The following EP300 variants were observed in gnomAD, a reference collection of about 807,000 sequenced individuals.
The protein encoded by EP300 is histone acetyltransferase p300.
Under a neutral mutation model 264.0 loss-of-function variants are expected in EP300, and 31 were observed. That is an observed-to-expected ratio of 0.12 (90% CI 0.09 to 0.16). The LOEUF is 0.16. Ranked by LOEUF, EP300 falls within the 10% of genes least tolerant of loss-of-function variation. The probability of loss-of-function intolerance (pLI) is 1.00; values close to 1 mark genes in which losing one functional copy is unlikely to be tolerated. For synonymous variants in EP300, 1,340 were observed against 1,045.4 expected, an observed-to-expected ratio of 1.28 and a Z score of -5.44; for missense variants, 2,766 against 3,052.9, an observed-to-expected ratio of 0.91 and a Z score of 2.21.
rs370403975 is a variant in EP300, at chr22:41,154,484, C to T, written c.3143-511C>T. On this transcript the variant is annotated intron_variant, in intron 16 of 30. Coordinates refer to ENST00000263253, the MANE Select transcript of EP300 (RefSeq NM_001429.4). ...GCAACATCTGCCTCCCGAGTTCAAG[C>T]AGTTCTCTTGCCTCAAGCCTCCTGA... is the stretch of plus-strand genomic sequence containing the variant. 6.7e-4 allele frequency among the ~76,000 whole-genome samples: 98 copies of T among 146,510 alleles called. 2 individuals are homozygous for T. The South Asian group carries it at 0.012, about 18-fold the overall frequency.
chr22:41,162,613 T>A, intron 20 of EP300, 110 bp from the exon 21 acceptor site: 2 of 838,182 alleles, frequency 2.4e-6, no homozygotes, highest in Non-Finnish European at 4.0e-6. Flanking sequence ...TGTGTATTCT[T>A]AAAAAACCTG....
chr22:41,096,861 C>T (rs1055173779), intron 1 of EP300, among the ~76,000 whole-genome samples: 5 of 152,060 alleles, frequency 3.3e-5, no homozygotes, highest in African/African-American at 1.2e-4. Context: ...TCAGGTGATC[C>T]ACCCGCCTCA....
chr22:41,129,096 C>T (rs1042492058), intron 4 of EP300, among the ~76,000 whole-genome samples: 4 of 151,956 alleles, frequency 2.6e-5, no homozygotes, highest in Admixed American at 6.6e-5. Context: ...CCGCAAGCTC[C>T]GCCTCCTGGG....
intron 2 of EP300, 93 bp from the exon 3 acceptor site, chr22:41,125,771 T>C: frequency 7.3e-7 from 1 of 1,363,334 alleles, no homozygotes; most frequent in Non-Finnish European, 1.0e-6. Flanking sequence ...CCTTTGAAAC[T>C]GTCTTTGTGA....
chr22:41,164,585 G>T (rs752682993), intron 22 of EP300, among the ~76,000 whole-genome samples: 2 of 152,116 alleles, frequency 1.3e-5, no homozygotes, highest in African/African-American at 2.4e-5. Context: ...GGTGGTGCAC[G>T]CCTGTAATCC....
chr22:41,109,263 A>AAC (rs1555904485), intron 1 of EP300, among the ~76,000 whole-genome samples: 4 of 151,800 alleles, frequency 2.6e-5, no homozygotes, highest in African/African-American at 9.7e-5. Flanking sequence ...CAAAAAAAAA[A>AAC]AAAAACAAAA....
intron 2 of EP300, among the ~76,000 whole-genome samples, chr22:41,124,007 G>A (rs534856136): frequency 6.6e-4 from 100 of 152,322 alleles, no homozygotes; most frequent in African/African-American, 2.3e-3. Flanking sequence ...CAGCACTTTG[G>A]GAGGCCGAGG....
chr22:41,175,887 A>C (rs2059197438), intron 29 of EP300, among the ~76,000 whole-genome samples: 1 of 152,324 alleles, frequency 6.6e-6, no homozygotes, highest in South Asian at 2.1e-4. Context: ...AAGGAACAGG[A>C]GGCGTATGGT....
At position 41,149,078 on chromosome 22, in the gene EP300, A is replaced by G. The variant is rs2059028253; in HGVS notation, c.2282A>G (p.Gln761Arg). ...CCTCGTATGCAACAGCCTTCCAACC[A>G]GGGCCAGTTCCTTCCTCAGACTCAG... ...YGPRMQQPSNQGQFLPQTQFP... is the reference protein window; with the variant it reads ...YGPRMQQPSNRGQFLPQTQFP... The change falls in exon 13 of 31, where the codon CAG becomes CGG. Residue 761 changes from glutamine to arginine, a missense_variant. Gln to Arg is a conservative substitution (Grantham distance 43, BLOSUM62 1). Transcript: ENST00000263253. 3 of 1,612,560 alleles carry G rather than the reference A, an allele frequency of 1.9e-6. No individual in the cohort carries two copies. Among genetic ancestry groups the G allele is most frequent in the Admixed American group, 1.7e-5 (1 of 59,858 alleles).
intron 9 of EP300, 118 bp downstream of exon 9, chr22:41,140,375 T>A: frequency 1.3e-6 from 1 of 795,872 alleles, no homozygotes; most frequent in Non-Finnish European, 2.3e-6. Context: ...GCTGTAGCTA[T>A]CCCGTCTTAT....
intron 13 of EP300, 122 bp downstream of exon 13, chr22:41,149,297 A>G (rs2145736532): frequency 1.8e-6 from 2 of 1,137,938 alleles, no homozygotes; most frequent in Non-Finnish European, 2.6e-6. Flanking sequence ...TTAAAAAATA[A>G]CAATTTTGGA....
chr22:41,129,313 A>G (rs2058902630), intron 4 of EP300, among the ~76,000 whole-genome samples: 1 of 152,126 alleles, frequency 6.6e-6, no homozygotes, highest in Non-Finnish European at 1.5e-5. Context: ...GCCCGGCCAA[A>G]ACACACTATC....
chr22:41,120,105 C>T (rs926089108), intron 2 of EP300, among the ~76,000 whole-genome samples: 1 of 152,178 alleles, frequency 6.6e-6, no homozygotes, highest in Admixed American at 6.5e-5. Flanking sequence ...GGCCTATTTT[C>T]TTATTTTAAA....
At chr22:41,098,670 C>T (rs983484115) in intron 1 of EP300, among the ~76,000 whole-genome samples, 1 of 152,066 alleles carries the variant, frequency 6.6e-6, no homozygotes, top group Non-Finnish European at 1.5e-5. Flanking sequence ...AGCACCTGGC[C>T]CTAGAAGTAA....
At chr22:41,095,666 C>T (rs1251260201) in intron 1 of EP300, among the ~76,000 whole-genome samples, 1 of 151,574 alleles carries the variant, frequency 6.6e-6, no homozygotes, top group Non-Finnish European at 1.5e-5. Context: ...TTTGAGTTGT[C>T]ACTTGGGTAT....
At position 41,157,258 on chromosome 22, in the gene EP300, T is replaced by C. The variant is rs2145747322; in HGVS notation, c.3351T>C (p.Tyr1117=). The C allele has an allele frequency of 6.2e-7, 1 of 1,614,176 alleles. No homozygotes were observed. Among genetic ancestry groups the C allele is most frequent in the Non-Finnish European group, 8.5e-7 (1 of 1,180,026 alleles). ...GACAGTATCAGGAGCCCTGGCAGTA[T>C]GTCGATGATATTTGGCTTATGTTCA... The part of the protein sequence containing the change: ...DTGQYQEPWQ[Y]VDDIWLMFNN... Residue 1117 remains tyrosine (Y), a synonymous_variant, in exon 18 of 31, where the codon TAT becomes TAC. Transcript: ENST00000263253.
At chr22:41,126,068 T>C in intron 3 of EP300, 28 bp downstream of exon 3, 2 of 1,610,286 alleles carry the variant, frequency 1.2e-6, no homozygotes, top group Non-Finnish European at 1.7e-6. Flanking sequence ...ACAGACTTGT[T>C]TTCAAACTGG....
intron 6 of EP300, among the ~76,000 whole-genome samples, chr22:41,134,163 C>CTTTTTTTTTT (rs11362436): frequency 3.4e-3 from 356 of 105,206 alleles, no homozygotes; most frequent in East Asian, 5.2e-3. Context: ...TCATTCTTTT[C>CTTTTTTTTTT]TTTTTTTTTT....
chr22:41,168,456 A>C lies in EP300; in HGVS notation c.3882A>C (p.Pro1294=). The change falls in exon 24 of 31, where the codon CCA becomes CCC. Residue 1294 remains proline, a synonymous_variant. Transcript: ENST00000263253. The part of the protein sequence containing the change: ...KENKFSAKRL[P]STRLGTFLEN... The stretch of plus-strand genomic sequence containing the variant: ...TAACTTTTACATTCCTAGGGTTGCC[A>C]TCTACCAGACTTGGCACCTTTCTAG... The C allele has an allele frequency of 6.2e-7, 1 of 1,614,226 alleles. No homozygotes were observed.
Sources: gnomAD v4.1 joint callset for allele counts (sites outside exome capture counted in the v4.1 genomes callset) on GRCh38, gnomAD v4.1.1 for gene constraint, MANE v1.5 for transcripts, NCBI Gene and HGNC (gene_info 2026-07-23, HGNC 2026-07-21) for gene names.